Variants in CCDC7 observed in about 807,000 individuals in gnomAD.
CCDC7 encodes coiled-coil domain containing 7.
In CCDC7, 183 loss-of-function variants were observed where a neutral mutation model predicts 196.9. The ratio of observed to expected loss-of-function variants is 0.93; its 90% CI spans 0.82 to 1.05. The LOEUF is 1.05. Ranked by LOEUF, CCDC7 falls within the 50% of genes least tolerant of loss-of-function variation. The pLI is 0.00. For synonymous variants in CCDC7, 525 were observed against 484.6 expected, an observed-to-expected ratio of 1.08 and a Z score of -1.10; for missense variants, 1,540 against 1,482.2, an observed-to-expected ratio of 1.04 and a Z score of -0.64.
At position 32,709,034 on chromosome 10, in the gene CCDC7, G is replaced by T. The variant is rs1047500249; in HGVS notation, c.2459-2586G>T. 3.3e-5 allele frequency among the ~76,000 whole-genome samples: 5 copies of T among 152,280 alleles called. No homozygotes were observed. The South Asian group carries it at 6.2e-4, about 19-fold the overall frequency. ...GACAACGTGCACACGTATGTTTATT[G>T]CAGCATTATTCACAGTAGCAAAGCT... On this transcript the variant is annotated intron_variant, in intron 24 of 41. Coordinates refer to ENST00000639629, the Ensembl canonical transcript of CCDC7.
chr10:32,624,037 A>G (rs1030278601), intron 18 of CCDC7, among the ~76,000 whole-genome samples: 1 of 152,090 alleles, frequency 6.6e-6, no homozygotes, highest in African/African-American at 2.4e-5. Context: ...TATCCAAACC[A>G]TATCAGTTAT....
intron 41 of CCDC7, among the ~76,000 whole-genome samples, chr10:32,867,704 A>T (rs1413631886): frequency 6.6e-6 from 1 of 151,800 alleles, no homozygotes; most frequent in Non-Finnish European, 1.5e-5. Flanking sequence ...AATAATTCTC[A>T]TTAAAGATAA....
intron 39 of CCDC7, among the ~76,000 whole-genome samples, chr10:32,851,240 C>T (rs936373034): frequency 1.3e-5 from 2 of 152,036 alleles, no homozygotes; most frequent in African/African-American, 2.4e-5. Context: ...CTACTTTTGC[C>T]GCATCCCATT....
chr10:32,703,416 A>G (rs981089877), intron 24 of CCDC7, among the ~76,000 whole-genome samples: 3 of 151,996 alleles, frequency 2.0e-5, no homozygotes, highest in Non-Finnish European at 4.4e-5. Context: ...CTTTGTGGGT[A>G]ACGCGACATT....
intron 20 of CCDC7, among the ~76,000 whole-genome samples, chr10:32,648,667 C>T (rs899447292): frequency 2.0e-5 from 3 of 152,312 alleles, no homozygotes; most frequent in African/African-American, 4.8e-5. Context: ...ACAACCTCGC[C>T]AGCATCTGTT....
At chr10:32,443,631 G>T (rs1592664441), upstream of CCDC7, among the ~76,000 whole-genome samples, 1 of 152,174 alleles carries the variant, frequency 6.6e-6, no homozygotes, top group East Asian at 1.9e-4. Context: ...TATATATGTG[G>T]ATATATTTCT....
At chr10:32,671,687 G>A (rs78112296) in intron 21 of CCDC7, among the ~76,000 whole-genome samples, 1 of 152,186 alleles carries the variant, frequency 6.6e-6, no homozygotes, top group East Asian at 1.9e-4. Context: ...TGCAAATCTG[G>A]TGCAGCAGTC....
intron 18 of CCDC7, among the ~76,000 whole-genome samples, chr10:32,626,363 C>G (rs1487674749): frequency 6.6e-6 from 1 of 151,808 alleles, no homozygotes; most frequent in African/African-American, 2.4e-5. Flanking sequence ...TTTGTGTCTT[C>G]TTTTGAAAAA....
At chr10:32,767,936 A>G (rs1410383688) in intron 28 of CCDC7, among the ~76,000 whole-genome samples, 1 of 152,090 alleles carries the variant, frequency 6.6e-6, no homozygotes, top group Admixed American at 6.6e-5. Flanking sequence ...CTTTAAAAAC[A>G]CCCAGAAATT....
intron 11 of CCDC7, among the ~76,000 whole-genome samples, chr10:32,527,520 T>G (rs1417378677): frequency 2.0e-5 from 3 of 152,222 alleles, no homozygotes; most frequent in Non-Finnish European, 4.4e-5. Context: ...TCTCAGCCCG[T>G]GCACATCATT....
intron 24 of CCDC7, among the ~76,000 whole-genome samples, chr10:32,703,890 A>G (rs1055175117): frequency 4.0e-5 from 6 of 151,724 alleles, no homozygotes; most frequent in Non-Finnish European, 7.4e-5. Context: ...ACCTCTCTGC[A>G]TTGGTTATTC....
intron 11 of CCDC7, among the ~76,000 whole-genome samples, chr10:32,520,564 T>G (rs2135577378): frequency 6.6e-6 from 1 of 152,228 alleles, no homozygotes; most frequent in Middle Eastern, 3.4e-3. Flanking sequence ...TTAAATTGGA[T>G]TATTAGATTT....
intron 28 of CCDC7, among the ~76,000 whole-genome samples, chr10:32,738,512 T>C (rs1373506403): frequency 6.8e-6 from 1 of 147,682 alleles, no homozygotes; most frequent in Non-Finnish European, 1.5e-5. Context: ...CCTTGCTTTG[T>C]TGCCTAGTCT....
chr10:32,721,011 T>C (rs2082335051), intron 25 of CCDC7, among the ~76,000 whole-genome samples: 1 of 152,102 alleles, frequency 6.6e-6, no homozygotes, highest in Non-Finnish European at 1.5e-5. Context: ...GAGGATAGCT[T>C]GAGCCCAGGA....
At chr10:32,689,738 TTG>T (rs140418452) in intron 23 of CCDC7, among the ~76,000 whole-genome samples, 20,835 of 148,826 alleles carry the variant, frequency 0.14, 1,704 homozygotes, top group East Asian at 0.26. Context: ...ACTGCTGGGC[TTG>T]TGTTTTTTTT....
intron 24 of CCDC7, among the ~76,000 whole-genome samples, chr10:32,696,912 C>A (rs185799889): frequency 1.3e-5 from 2 of 152,236 alleles, no homozygotes; most frequent in Admixed American, 1.3e-4. Flanking sequence ...TGATCTAGAT[C>A]AGTGGTCCTC....
intron 18 of CCDC7, among the ~76,000 whole-genome samples, chr10:32,606,698 C>A (rs186319815): frequency 1.3e-5 from 2 of 152,268 alleles, no homozygotes; most frequent in East Asian, 3.9e-4. Context: ...CTCTTTAGGC[C>A]AACTTCTCCC....
intron 18 of CCDC7, among the ~76,000 whole-genome samples, chr10:32,601,825 G>A (rs537734013): frequency 1.6e-4 from 24 of 152,042 alleles, no homozygotes; most frequent in East Asian, 9.7e-4. Context: ...ACCAATCAGC[G>A]CTCTGTGTGT....
Position 32,511,812 on chromosome 10 carries a change from C to T in CCDC7, c.873-6133C>T, listed in dbSNP as rs558191013. 18 of 988,828 alleles carry T rather than the reference C, an allele frequency of 1.8e-5. No individual in the cohort carries two copies. The East Asian group carries it at 3.8e-4, about 21-fold the overall frequency. The allele number at this position is 988,828 out of a possible 1,614,324, so 61.3% of individuals were successfully genotyped here. ...GGGCAACGATGACGACAATGACGCGCCAGCTCTGCCCGCGCCACCAGCGGC... is the reference window on the plus strand; with the variant it reads ...GGGCAACGATGACGACAATGACGCGTCAGCTCTGCCCGCGCCACCAGCGGC... On this transcript the variant is annotated intron_variant, in intron 9 of 41. Coordinates refer to ENST00000639629, the Ensembl canonical transcript of CCDC7.
Sources: gnomAD v4.1 joint callset for allele counts (sites outside exome capture counted in the v4.1 genomes callset) on GRCh38, gnomAD v4.1.1 for gene constraint, MANE v1.5 for transcripts, NCBI Gene and HGNC (gene_info 2026-07-23, HGNC 2026-07-21) for gene names.